Variants in SLCO4A1 observed in about 807,000 individuals in gnomAD.
SLCO4A1 encodes solute carrier organic anion transporter family member 4A1.
Under a neutral mutation model 64.6 loss-of-function variants are expected in SLCO4A1, and 51 were observed. The ratio of observed to expected loss-of-function variants is 0.79; its 90% CI spans 0.63 to 1.00. The LOEUF (loss-of-function observed/expected upper bound fraction) is 1.00. SLCO4A1 is among the 50% of genes least tolerant of loss of function. SLCO4A1 has a pLI of 0.00. For synonymous variants in SLCO4A1, 471 were observed against 444.9 expected, an observed-to-expected ratio of 1.06 and a Z score of -0.74; for missense variants, 919 against 980.5, an observed-to-expected ratio of 0.94 and a Z score of 0.84.
Position 62,645,686 on chromosome 20 carries a change from C to G in SLCO4A1, c.-97+3133C>G, listed in dbSNP as rs920548258. ...CAAACCACGTGCCTTCTGCAGAAGC[C>G]GCTCCCCACGTAGCCCAAGCGTAGG... On this transcript the variant is annotated intron_variant, in intron 1 of 11. Transcript: ENST00000217159. The surrounding 1 kb of genome is among the most constrained non-coding windows in gnomAD (Gnocchi z 4.2). 1.3e-5 allele frequency among the ~76,000 whole-genome samples: 2 copies of G among 151,942 alleles called. No homozygotes were observed. Among genetic ancestry groups the G allele is most frequent in the Admixed American group, 1.3e-4 (2 of 15,248 alleles).
chr20:62,689,855 G>A (rs1444743965), downstream of SLCO4A1, among the ~76,000 whole-genome samples: 4 of 152,226 alleles, frequency 2.6e-5, no homozygotes, highest in African/African-American at 7.2e-5. Context: ...GTCTGGGGCC[G>A]AGGAAGGGGG....
chr20:62,649,890 G>C (rs1243888905), intron 1 of SLCO4A1: 2 of 152,318 alleles, frequency 1.3e-5, no homozygotes, highest in African/African-American at 4.8e-5. Flanking sequence ...GCCAGCTTGG[G>C]ATGAGAGGAC....
In SLCO4A1 at chr20:62,668,186, T is replaced by C. The variant is rs1460608384; in HGVS notation, c.1811+2T>C. On this transcript the variant is annotated splice_donor_variant, in intron 9 of 11. Transcript: ENST00000217159. LOFTEE classifies it high-confidence loss of function. ...TCCTGCACTAACGGCAACTCTACGGTAAGCTGGGGTCGGGTGTGCGCTTGT... is the reference window on the plus strand; with the variant it reads ...TCCTGCACTAACGGCAACTCTACGGCAAGCTGGGGTCGGGTGTGCGCTTGT... 5 of 1,613,728 alleles carry C rather than the reference T, an allele frequency of 3.1e-6. No individual in the cohort carries two copies. Among genetic ancestry groups the C allele is most frequent in the Non-Finnish European group, 4.2e-6 (5 of 1,179,828 alleles).
intron 1 of SLCO4A1, chr20:62,643,277 C>T: frequency 3.1e-6 from 1 of 327,614 alleles, no homozygotes; most frequent in South Asian, 2.2e-5. Context: ...CTGTTGGGCT[C>T]CCCTGACCAG....
rs772482358 is a variant in SLCO4A1, at chr20:62,658,636, G to T, written c.797-41G>T. On this transcript the variant is annotated intron_variant, in intron 2 of 11. Transcript: ENST00000217159. ...CCCACACGGCCCTCCGCAGCCCCTG[G>T]GTGGTGCACAGCGGCCCTGACGCCT... 25 of 1,530,276 alleles carry T rather than the reference G, an allele frequency of 1.6e-5. No homozygotes were observed. The Middle Eastern group carries it at 5.1e-4, about 31-fold the overall frequency. 94.8% of individuals were successfully genotyped at this position (1,530,276 alleles called of 1,614,324 possible).
rs764775769 is a variant in SLCO4A1 at position 62,661,035 on chromosome 20, C to CAGCCCCG, written c.1010-23_1010-22insGAGCCCC. On this transcript the variant is annotated intron_variant, in intron 4 of 11. Coordinates refer to ENST00000217159, the MANE Select transcript of SLCO4A1 (RefSeq NM_016354.4). This position sits in a 1 kb window ranked among gnomAD's most constrained non-coding sequence, Gnocchi z 5.2. ...TCCACCTCCGGGAGCCCCCAGCCCC[C>CAGCCCCG]AGCCCCAGCTCACTCTGTGCCCTTC... is the stretch of plus-strand genomic sequence containing the variant. 4 of 1,129,170 alleles carry CAGCCCCG rather than the reference C, an allele frequency of 3.5e-6. No homozygotes were observed. The highest frequency in any genetic ancestry group is 2.4e-5 in the East Asian group (1 of 42,448). 69.9% of individuals were successfully genotyped at this position (1,129,170 alleles called of 1,614,324 possible). A position where few individuals can be genotyped will look rare whatever the true frequency, so the allele number is the denominator to read the frequency against.
chr20:62,681,537 C>CGT (rs10622663), intron 2 of SLCO4A1, among the ~76,000 whole-genome samples: 110,090 of 146,152 alleles, frequency 0.75, 41,719 homozygotes, highest in African/African-American at 0.81. Context: ...TGTACACACT[C>CGT]GTGTGTGTAT....
At chr20:62,687,724 C>A (rs1035586859), downstream of SLCO4A1, among the ~76,000 whole-genome samples, 2 of 152,168 alleles carry the variant, frequency 1.3e-5, no homozygotes, top group African/African-American at 4.8e-5. Flanking sequence ...CTCCTGGACA[C>A]GGAAGGACGA....
intron 2 of SLCO4A1, 98 bp from the exon 3 acceptor site, chr20:62,658,579 G>T: frequency 1.1e-6 from 1 of 880,312 alleles, no homozygotes. Flanking sequence ...GATGCAGAAT[G>T]GCGGGTGCGG....
chr20:62,685,345 TG>T lies in SLCO4A1; in HGVS notation n.212-93del. On this transcript the variant is annotated intron_variant and non_coding_transcript_variant, in intron 2 of 2. Transcript: ENST00000466818. This position sits in a 1 kb window ranked among gnomAD's most constrained non-coding sequence, Gnocchi z 4.6. ...TCCCCAGCTGGTCGGTGCCCAAGGG[TG>T]GGTTCGTGGGGCAACTGCACCCGCT... 1.7e-6 allele frequency: 1 copy of T among 580,808 alleles called. No individual in the cohort carries two copies. The highest frequency in any genetic ancestry group is 2.2e-6 in the Non-Finnish European group (1 of 460,466). 36.0% of individuals were successfully genotyped at this position (580,808 alleles called of 1,614,324 possible). A position where few individuals can be genotyped will look rare whatever the true frequency, so the allele number is the denominator to read the frequency against.
intron 10 of SLCO4A1, 63 bp from the exon 11 acceptor site, chr20:62,668,867 C>T (rs536259576): frequency 4.6e-6 from 7 of 1,530,912 alleles, no homozygotes; most frequent in Non-Finnish European, 6.2e-6. Context: ...CTCTTGGCTG[C>T]CTGCCCCCTG....
intron 1 of SLCO4A1, chr20:62,651,213 C>T (rs910760672): frequency 1.4e-4 from 21 of 152,260 alleles, no homozygotes; most frequent in Admixed American, 1.4e-3. Context: ...CCACCCTCCC[C>T]TTTCCAATCT....
rs780204587 is a variant in SLCO4A1, at chr20:62,667,865, C to T, written c.1593C>T (p.His531=). ...GCCTCATGTACTTCTCACTGTGCCA[C>T]GCAGGGTGCCCTGCAGCCACGGAGA... ...SDGLMYFSLC[H]AGCPAATETN... The change falls in exon 8 of 12, where the codon CAC becomes CAT. Residue 531 remains histidine (H), a synonymous_variant. Coordinates refer to ENST00000217159, the MANE Select transcript of SLCO4A1 (RefSeq NM_016354.4). The T allele has an allele frequency of 1.2e-5, 19 of 1,613,660 alleles. No individual in the cohort carries two copies. The East Asian group carries it at 1.3e-4, about 11-fold the overall frequency.
At chr20:62,662,976 C>T (rs927808318) in intron 5 of SLCO4A1, 4 of 152,214 alleles carry the variant, frequency 2.6e-5, no homozygotes, top group African/African-American at 9.7e-5. Context: ...AGACGTGGGA[C>T]CCAAGTAGTT....
intron 3 of SLCO4A1, among the ~76,000 whole-genome samples, chr20:62,659,711 AG>A (rs754217563): frequency 3.8e-4 from 58 of 152,224 alleles, no homozygotes; most frequent in Admixed American, 2.9e-3. Flanking sequence ...GCCTGGCTGC[AG>A]CCTTGCAGGG....
At chr20:62,651,087 C>T (rs567958786) in intron 1 of SLCO4A1, among the ~76,000 whole-genome samples, 44 of 152,296 alleles carry the variant, frequency 2.9e-4, no homozygotes, top group Middle Eastern at 3.4e-3. Context: ...GTTGCCTGCC[C>T]AGCGTCACTC....
downstream of SLCO4A1, among the ~76,000 whole-genome samples, chr20:62,672,777 C>G (rs1240636803): frequency 6.6e-6 from 1 of 152,042 alleles, no homozygotes; most frequent in Non-Finnish European, 1.5e-5. Context: ...GGGTGCAGGT[C>G]CCACAGGACT....
At chr20:62,648,316 T>C (rs1299266938) in intron 1 of SLCO4A1, among the ~76,000 whole-genome samples, 2 of 152,314 alleles carry the variant, frequency 1.3e-5, no homozygotes, top group African/African-American at 4.8e-5. Flanking sequence ...AGGCTCCGCC[T>C]CAGATGTTCT....
chr20:62,646,345 G>A (rs1362025458), intron 1 of SLCO4A1, among the ~76,000 whole-genome samples: 6 of 152,230 alleles, frequency 3.9e-5, no homozygotes, highest in Non-Finnish European at 5.9e-5. Flanking sequence ...AGCAGGCCCT[G>A]TGCCCAAGGA....
Sources: allele counts gnomAD v4.1 joint callset (sites outside exome capture counted in the v4.1 genomes callset), GRCh38; gene constraint gnomAD v4.1.1; non-coding constraint Gnocchi (gnomAD v3.1); transcripts MANE v1.5; gene names NCBI Gene and HGNC (gene_info 2026-07-23, HGNC 2026-07-21).